MCTP1: variants seen among roughly 807,000 people sequenced by gnomAD.
MCTP1 encodes multiple C2 and transmembrane domain-containing protein 1.
A neutral mutation model predicts 120.6 loss-of-function variants in MCTP1; 69 were observed. The ratio of observed to expected loss-of-function variants is 0.57; its 90% CI spans 0.47 to 0.70. MCTP1 has a LOEUF of 0.70. Ranked by LOEUF, MCTP1 falls within the 30% of genes least tolerant of loss-of-function variation. MCTP1 has a pLI of 0.00. For synonymous variants in MCTP1, 529 were observed against 493.1 expected (o/e 1.07, Z -0.96); for missense variants, 1,203 against 1,248.8 (o/e 0.96, Z 0.55).
At chr5:95,272,495 T>A (rs1245829310) in intron 1 of MCTP1, among the ~76,000 whole-genome samples, 2 of 152,208 alleles carry the variant, frequency 1.3e-5, no homozygotes, top group Non-Finnish European at 2.9e-5. Flanking sequence ...ATCCAAGTCA[T>A]CCAAGTTATA....
chr5:95,090,547 G>A (rs912146332), intron 1 of MCTP1, among the ~76,000 whole-genome samples: 1 of 152,172 alleles, frequency 6.6e-6, no homozygotes, highest in Non-Finnish European at 1.5e-5. Context: ...GATACACGTG[G>A]AGTTGTGCGG....
At chr5:95,133,471 T>A (rs1051133981) in intron 1 of MCTP1, among the ~76,000 whole-genome samples, 1 of 152,124 alleles carries the variant, frequency 6.6e-6, no homozygotes, top group Non-Finnish European at 1.5e-5. Flanking sequence ...CTGGCCAACA[T>A]GGCAAAACCC....
chr5:95,217,371 G>A lies in MCTP1; in HGVS notation c.720+66485C>T, dbSNP rs185060330. ...AATGGGAGAGATACAACTCCTTATCGAAGCACTTATATAATTTGACAAAAG... is the reference window on the plus strand; with the variant it reads ...AATGGGAGAGATACAACTCCTTATCAAAGCACTTATATAATTTGACAAAAG... On this transcript the variant is annotated intron_variant, in intron 1 of 22. Transcript: ENST00000515393. Among the ~76,000 whole-genome samples the A allele has an allele frequency of 2.6e-5, 4 of 152,140 alleles. No homozygotes were observed. The East Asian group carries it at 5.8e-4, about 22-fold the overall frequency.
At chr5:95,041,581 T>C (rs985611255) in intron 1 of MCTP1, among the ~76,000 whole-genome samples, 1 of 152,088 alleles carries the variant, frequency 6.6e-6, no homozygotes, top group African/African-American at 2.4e-5. Context: ...TTGGAGGGCA[T>C]TTTTTGGCTT....
intron 17 of MCTP1, among the ~76,000 whole-genome samples, chr5:94,862,904 A>G: frequency 6.6e-6 from 1 of 151,846 alleles, no homozygotes; most frequent in East Asian, 1.9e-4. Flanking sequence ...AAATTGTGGT[A>G]CGAGAAACTT....
At chr5:95,177,060 C>T (rs1169041453) in intron 1 of MCTP1, among the ~76,000 whole-genome samples, 3 of 151,434 alleles carry the variant, frequency 2.0e-5, no homozygotes, top group African/African-American at 7.3e-5. Flanking sequence ...ACATGAAATA[C>T]ACATACATAA....
At chr5:94,882,531 G>A (rs1181520233) in intron 12 of MCTP1, among the ~76,000 whole-genome samples, 1 of 106,372 alleles carries the variant, frequency 9.4e-6, no homozygotes, top group Non-Finnish European at 2.3e-5. Context: ...ATGTTGCAAT[G>A]TAACAAAATA....
In MCTP1 at chr5:95,021,119, G is replaced by A. The variant is rs1838133435; in HGVS notation, c.721-3635C>T. ...GAATCCTGCCACTTACTAATTGTGT[G>A]AGCTTGAGAAATTACATAACTGATT... On this transcript the variant is annotated intron_variant, in intron 1 of 22. Coordinates refer to ENST00000515393, the MANE Select transcript of MCTP1 (RefSeq NM_024717.7). Among the ~76,000 whole-genome samples, 5 of 152,012 alleles carry A rather than the reference G, an allele frequency of 3.3e-5. No homozygotes were observed. In the South Asian group the frequency reaches 1.0e-3, roughly 32 times the overall value.
chr5:94,710,684 CCTGT>C (rs1756591559), intron 21 of MCTP1, 130 bp downstream of exon 21: 2 of 602,042 alleles, frequency 3.3e-6, no homozygotes, highest in African/African-American at 1.9e-5. Context: ...TTTTAACCAA[CCTGT>C]CTCTTTTCAT....
At chr5:94,928,209 A>AACACAC (rs60502360) in intron 6 of MCTP1, among the ~76,000 whole-genome samples, 8,329 of 148,438 alleles carry the variant, frequency 0.056, 299 homozygotes, top group East Asian at 0.13. Context: ...TCTAGGTTAA[A>AACACAC]ACACACACAC....
intron 1 of MCTP1, among the ~76,000 whole-genome samples, chr5:95,023,601 A>G (rs1838624252): frequency 6.6e-6 from 1 of 152,224 alleles, no homozygotes; most frequent in Non-Finnish European, 1.5e-5. Flanking sequence ...ATAAAAGAAC[A>G]TCAAGAACTT....
chr5:94,906,210 C>T (rs895029822), intron 10 of MCTP1, among the ~76,000 whole-genome samples: 18 of 152,196 alleles, frequency 1.2e-4, no homozygotes, highest in African/African-American at 2.4e-4. Context: ...GGGGGCTGGG[C>T]GCAGTGGCTC....
chr5:95,157,521 T>A (rs1745258728), intron 1 of MCTP1, among the ~76,000 whole-genome samples: 1 of 152,136 alleles, frequency 6.6e-6, no homozygotes, highest in East Asian at 1.9e-4. Context: ...AACAGAAAAC[T>A]TTAGCAACTT....
chr5:94,709,761 A>G (rs1756125752), intron 21 of MCTP1: 1 of 152,052 alleles, frequency 6.6e-6, no homozygotes, highest in Non-Finnish European at 1.5e-5. Context: ...AATAATTACC[A>G]TTTCCCCCAC....
intron 5 of MCTP1, among the ~76,000 whole-genome samples, chr5:94,933,840 T>C (rs775720304): frequency 6.6e-5 from 10 of 151,984 alleles, no homozygotes; most frequent in Non-Finnish European, 8.8e-5. Context: ...AAACAAAACA[T>C]AGGACCAGTA....
At chr5:94,780,264 T>A (rs1377669863) in intron 18 of MCTP1, among the ~76,000 whole-genome samples, 1 of 4,356 alleles carries the variant, frequency 2.3e-4, no homozygotes, top group African/African-American at 3.7e-4. Flanking sequence ...TCCTTTCCTG[T>A]TTTTGTTTTT....
chr5:94,822,526 G>A (rs2153107289), intron 17 of MCTP1, among the ~76,000 whole-genome samples: 1 of 152,280 alleles, frequency 6.6e-6, no homozygotes. Context: ...ACATACATGT[G>A]CATGTGTTTT....
intron 1 of MCTP1, among the ~76,000 whole-genome samples, chr5:95,168,341 CT>C (rs1360157416): frequency 6.6e-6 from 1 of 152,158 alleles, no homozygotes; most frequent in African/African-American, 2.4e-5. Context: ...ATGCCTCCAA[CT>C]TTGTTCTTTT....
At chr5:94,876,886 T>G (rs1798989015) in intron 12 of MCTP1, among the ~76,000 whole-genome samples, 1 of 151,986 alleles carries the variant, frequency 6.6e-6, no homozygotes, top group African/African-American at 2.4e-5. Context: ...ATTCATTACT[T>G]ATCGAGTGGC....
Sources: allele counts gnomAD v4.1 joint callset (sites outside exome capture counted in the v4.1 genomes callset), GRCh38; gene constraint gnomAD v4.1.1; transcripts MANE v1.5; gene names NCBI Gene and HGNC (gene_info 2026-07-23, HGNC 2026-07-21).